Variants in EDIL3 observed in about 807,000 individuals in gnomAD.
EDIL3 encodes the protein EGF-like repeat and discoidin I-like domain-containing protein 3.
In EDIL3, 37 loss-of-function variants were observed where a neutral mutation model predicts 67.4. The ratio of observed to expected loss-of-function variants is 0.55; its 90% confidence interval spans 0.42 to 0.72. The LOEUF is 0.72. EDIL3 is among the 30% of genes least tolerant of loss of function. The pLI, the probability that EDIL3 is intolerant of heterozygous loss-of-function variation, is 0.00. For missense variants in EDIL3, 527 were observed against 586.3 expected, an observed-to-expected ratio of 0.90 and a Z score of 1.04; for synonymous variants, 195 against 196.3, an observed-to-expected ratio of 0.99 and a Z score of 0.05.
At chr5:84,383,726 A>C (rs1194210239) in intron 1 of EDIL3, among the ~76,000 whole-genome samples, 1 of 152,138 alleles carries the variant, frequency 6.6e-6, no homozygotes, top group Non-Finnish European at 1.5e-5. Flanking sequence ...GGGAGGCAGG[A>C]GAAAGCTGAA....
Position 84,167,165 on chromosome 5 carries a change from G to C in EDIL3, c.355+13228C>G, listed in dbSNP as rs141047043. 5.7e-3 allele frequency among the ~76,000 whole-genome samples: 861 copies of C among 152,070 alleles called. 8 individuals carry two copies. Among genetic ancestry groups the C allele is most frequent in the Middle Eastern group, 6.8e-3 (2 of 294 alleles). ...AGTGTAGAGTCAGCAAAATCATTAGGAGCACGTCATAGTGCATAATGCTGC... is the reference window on the plus strand; with the variant it reads ...AGTGTAGAGTCAGCAAAATCATTAGCAGCACGTCATAGTGCATAATGCTGC... On this transcript the variant is annotated intron_variant, in intron 4 of 10. Transcript: ENST00000296591.
At position 84,186,428 on chromosome 5, in the gene EDIL3, A is replaced by C. The variant is rs77229324; in HGVS notation, c.227-5907T>G. Among the ~76,000 whole-genome samples the C allele has an allele frequency of 1.2e-4, 18 of 152,182 alleles. No homozygotes were observed. The East Asian group carries it at 3.3e-3, about 28-fold the overall frequency. On this transcript the variant is annotated intron_variant, in intron 3 of 10. Coordinates refer to ENST00000296591, the MANE Select transcript of EDIL3 (RefSeq NM_005711.5). ...TGGGATAAGCACTTTGTATGGTATT[A>C]AAATTGTCAGCAGCTGAAAGACAAA...
intron 10 of EDIL3, among the ~76,000 whole-genome samples, chr5:83,956,890 A>C (rs1022730172): frequency 9.2e-5 from 14 of 151,762 alleles, no homozygotes; most frequent in East Asian, 5.8e-4. Context: ...TGCAAATTAA[A>C]ATAAATAAAT....
chr5:84,078,678 A>G (rs1303131944), intron 6 of EDIL3: 1 of 152,180 alleles, frequency 6.6e-6, no homozygotes, highest in African/African-American at 2.4e-5. Flanking sequence ...GAAGTCTTAC[A>G]TCAGTGCTGG....
intron 4 of EDIL3, among the ~76,000 whole-genome samples, chr5:84,179,157 T>G (rs1313053137): frequency 6.6e-6 from 1 of 152,096 alleles, no homozygotes; most frequent in East Asian, 1.9e-4. Flanking sequence ...AACATGGTCT[T>G]CATGGGATTA....
chr5:84,251,064 A>T (rs996353578), intron 2 of EDIL3, among the ~76,000 whole-genome samples: 3 of 152,134 alleles, frequency 2.0e-5, no homozygotes, highest in African/African-American at 7.2e-5. Flanking sequence ...TAACAACAGG[A>T]GAACAATAAC....
rs546356805 is a variant in EDIL3 at position 84,302,215 on chromosome 5, CT to C, written c.68-48004del. Among the ~76,000 whole-genome samples, 1,076 of 151,858 alleles carry C rather than the reference CT, an allele frequency of 7.1e-3. 6 individuals carry two copies. The highest frequency in any genetic ancestry group is 8.7e-3 in the African/African-American group (362 of 41,442). ...TCAGCTCCATGTTAATGTTTTATTG[CT>C]TTTTTTTCTGCAGCTTACATTAGCA... On this transcript the variant is annotated intron_variant, in intron 1 of 10. Transcript: ENST00000296591.
intron 10 of EDIL3, among the ~76,000 whole-genome samples, chr5:83,944,473 G>A (rs761432691): frequency 7.8e-6 from 1 of 127,652 alleles, no homozygotes; most frequent in Non-Finnish European, 1.6e-5. Flanking sequence ...ATAATAACTT[G>A]GACAAATGTC....
intron 1 of EDIL3, among the ~76,000 whole-genome samples, chr5:84,369,438 C>G (rs187644153): frequency 1.3e-3 from 203 of 152,052 alleles, no homozygotes; most frequent in Non-Finnish European, 2.1e-3. Context: ...TGCTACAAAA[C>G]AAATGAACCT....
intron 2 of EDIL3, among the ~76,000 whole-genome samples, chr5:84,240,828 T>C (rs1744780650): frequency 6.6e-6 from 1 of 152,160 alleles, no homozygotes; most frequent in Non-Finnish European, 1.5e-5. Context: ...CAACCACTAA[T>C]GCTAATTCTT....
At chr5:84,262,699 T>TCTCACTCTG (rs1745258400) in intron 1 of EDIL3, among the ~76,000 whole-genome samples, 1 of 120,936 alleles carries the variant, frequency 8.3e-6, no homozygotes, top group Non-Finnish European at 1.7e-5. Flanking sequence ...TGAGATGAAG[T>TCTCACTCTG]CTCACTCTGT....
chr5:83,992,587 T>C (rs1024218778), intron 9 of EDIL3, among the ~76,000 whole-genome samples: 4 of 152,192 alleles, frequency 2.6e-5, no homozygotes, highest in African/African-American at 9.6e-5. Flanking sequence ...TAAATTATGC[T>C]TATTATCATA....
At chr5:84,052,125 A>G (rs1561415610) in intron 9 of EDIL3, among the ~76,000 whole-genome samples, 1 of 152,238 alleles carries the variant, frequency 6.6e-6, no homozygotes, top group Non-Finnish European at 1.5e-5. Flanking sequence ...CAGAAACTCT[A>G]CAAGCCAGAA....
intron 3 of EDIL3, among the ~76,000 whole-genome samples, chr5:84,224,820 T>C (rs1188347846): frequency 2.0e-5 from 3 of 151,476 alleles, no homozygotes; most frequent in Non-Finnish European, 4.4e-5. Context: ...GAAGGAAGTT[T>C]CAAAAAAATA....
At chr5:84,271,564 G>GC (rs1285479520) in intron 1 of EDIL3, among the ~76,000 whole-genome samples, 1 of 151,970 alleles carries the variant, frequency 6.6e-6, no homozygotes, top group African/African-American at 2.4e-5. Context: ...TCCCCATGAA[G>GC]CCCCCAGTCA....
chr5:84,254,019 C>A, intron 2 of EDIL3, 65 bp downstream of exon 2: 1 of 1,504,280 alleles, frequency 6.6e-7, no homozygotes, highest in Non-Finnish European at 8.9e-7. Flanking sequence ...TGCACCACAG[C>A]CAAACTGCCA....
intron 10 of EDIL3, among the ~76,000 whole-genome samples, chr5:83,954,792 C>A (rs1009466941): frequency 6.6e-6 from 1 of 151,612 alleles, no homozygotes; most frequent in African/African-American, 2.4e-5. Context: ...ACTTGTTTTC[C>A]TAGTAGGAAA....
At chr5:84,215,921 A>G (rs1271080203) in intron 3 of EDIL3, among the ~76,000 whole-genome samples, 1 of 152,242 alleles carries the variant, frequency 6.6e-6, no homozygotes, top group Non-Finnish European at 1.5e-5. Flanking sequence ...GGGCCAGATG[A>G]GAGGTACTAG....
chr5:84,320,837 A>C (rs1243518296), intron 1 of EDIL3, among the ~76,000 whole-genome samples: 2 of 152,180 alleles, frequency 1.3e-5, no homozygotes, highest in Non-Finnish European at 2.9e-5. Context: ...AGAAAAGTTA[A>C]GGCAGTTTAT....
Sources: gnomAD v4.1 joint callset for allele counts (sites outside exome capture counted in the v4.1 genomes callset) on GRCh38, gnomAD v4.1.1 for gene constraint, MANE v1.5 for transcripts, NCBI Gene and HGNC (gene_info 2026-07-23, HGNC 2026-07-21) for gene names.